The following SIK3 variants were observed in gnomAD, a reference collection of about 807,000 sequenced individuals.
SIK3 encodes the protein serine/threonine-protein kinase SIK3.
In SIK3, 28 loss-of-function variants were observed where a neutral mutation model predicts 144.2. The ratio of observed to expected loss-of-function variants is 0.19; its 90% CI spans 0.14 to 0.27. The LOEUF is 0.27. Among genes scored for constraint, SIK3 ranks in the 10% least tolerant of loss-of-function variants. SIK3 has a pLI of 1.00. For missense variants in SIK3, 1,319 were observed against 1,776.0 expected, an observed-to-expected ratio of 0.74 and a Z score of 4.62; for synonymous variants, 686 against 676.3, an observed-to-expected ratio of 1.01 and a Z score of -0.22.
At chr11:117,036,819 C>A (rs560663902) in intron 1 of SIK3, among the ~76,000 whole-genome samples, 2 of 152,202 alleles carry the variant, frequency 1.3e-5, no homozygotes, top group Admixed American at 1.3e-4. Context: ...TACGCAGATT[C>A]TTTTTCAATG....
intron 6 of SIK3, among the ~76,000 whole-genome samples, chr11:116,886,010 T>TCCA (rs1944798298): frequency 6.6e-6 from 1 of 152,244 alleles, no homozygotes; most frequent in African/African-American, 2.4e-5. Flanking sequence ...CTGAAGTCCT[T>TCCA]CCACTTGGAA....
intron 1 of SIK3, among the ~76,000 whole-genome samples, chr11:117,013,950 G>GTTTTTTTTTT (rs1591536602): frequency 2.4e-5 from 1 of 40,926 alleles, no homozygotes. Context: ...GTGTGTGTGT[G>GTTTTTTTTTT]TTTTATTTCT....
chr11:116,873,674 G>A (rs751396658), intron 12 of SIK3, 38 bp from the exon 13 acceptor site: 2 of 1,521,896 alleles, frequency 1.3e-6, no homozygotes, highest in South Asian at 1.3e-5. Flanking sequence ...ACCATGAGAT[G>A]AGGGGAAGGC....
In SIK3 at chr11:116,844,654, T is replaced by C. The variant is rs576195260; in HGVS notation, c.*989A>G. ...AATATATTATATTATATATTATATA[T>C]ATAATATATATATACACATATATTA... On this transcript the variant is annotated 3_prime_UTR_variant, in exon 25 of 25. Transcript: ENST00000445177. 0.1 allele frequency: 11,744 copies of C among 116,940 alleles called. 1,857 individuals are homozygous for C. Among genetic ancestry groups the C allele is most frequent in the African/African-American group, 0.36 (11,112 of 31,276 alleles). 7.2% of individuals were successfully genotyped at this position (116,940 alleles called of 1,614,324 possible).
chr11:116,938,586 GA>G (rs1423066803), intron 3 of SIK3, among the ~76,000 whole-genome samples: 2 of 59,552 alleles, frequency 3.4e-5, no homozygotes, highest in Non-Finnish European at 3.0e-5. Context: ...GGGAGGGGAG[GA>G]GAGGAGAGGG....
At chr11:116,937,750 T>A (rs1434707418) in intron 3 of SIK3, among the ~76,000 whole-genome samples, 1 of 152,226 alleles carries the variant, frequency 6.6e-6, no homozygotes, top group Non-Finnish European at 1.5e-5. Context: ...AAATCTTACA[T>A]TTTAATTGGA....
intron 3 of SIK3, among the ~76,000 whole-genome samples, chr11:116,935,204 T>A (rs752782148): frequency 2.6e-5 from 4 of 152,086 alleles, no homozygotes; most frequent in Non-Finnish European, 4.4e-5. Flanking sequence ...GCTATGAGCA[T>A]GCCACTGCAC....
chr11:116,858,807 G>A lies in SIK3; in HGVS notation c.2766-108C>T, dbSNP rs1943143507. On this transcript the variant is annotated intron_variant, in intron 20 of 24. Transcript: ENST00000445177. This position sits in a 1 kb window ranked among gnomAD's most constrained non-coding sequence, Gnocchi z 5.4. ...GAACCCACTGGTACAGAGAACTGTG[G>A]TGTGACAGAGAAGTGGCAGATGTAT... 3 of 1,458,740 alleles carry A rather than the reference G, an allele frequency of 2.1e-6. No individual in the cohort carries two copies. In the African/African-American group the frequency reaches 4.2e-5, roughly 21 times the overall value. The allele number at this position is 1,458,740 out of a possible 1,614,324, so 90.4% of individuals were successfully genotyped here. A position where few individuals can be genotyped will look rare whatever the true frequency, so the allele number is the denominator to read the frequency against.
intron 4 of SIK3, among the ~76,000 whole-genome samples, chr11:116,907,171 G>A (rs765775356): frequency 1.2e-4 from 19 of 152,190 alleles, no homozygotes; most frequent in Non-Finnish European, 2.5e-4. Flanking sequence ...TTTTATGCCT[G>A]AGACGTGAGG....
In SIK3 at chr11:116,967,017, A is replaced by AAAAAAG. The variant is rs555732125; in HGVS notation, c.274-9954_274-9953insCTTTTT. Among the ~76,000 whole-genome samples the AAAAAAG allele has an allele frequency of 1.3e-3, 197 of 147,500 alleles. 5 individuals carry two copies. In the South Asian group the frequency reaches 0.015, roughly 11 times the overall value. On this transcript the variant is annotated intron_variant, in intron 1 of 24. Transcript: ENST00000445177. The stretch of plus-strand genomic sequence containing the variant: ...AGACTCTGTTTCAAAAAAAAAAAGA[A>AAAAAAG]AAAGAAAAAGAAAAAGAAAAGAAAA...
At chr11:117,021,614 A>C (rs974670117) in intron 1 of SIK3, among the ~76,000 whole-genome samples, 1 of 151,990 alleles carries the variant, frequency 6.6e-6, no homozygotes, top group Non-Finnish European at 1.5e-5. Flanking sequence ...TTAAGATGTA[A>C]AGTCTATATA....
intron 6 of SIK3, among the ~76,000 whole-genome samples, chr11:116,878,954 G>A (rs765427953): frequency 3.3e-5 from 5 of 152,028 alleles, no homozygotes; most frequent in Non-Finnish European, 5.9e-5. Flanking sequence ...TTGTCTTCAC[G>A]CAAATGATTT....
intron 3 of SIK3, 94 bp downstream of exon 3, chr11:116,953,950 A>T: frequency 1.1e-6 from 1 of 873,282 alleles, no homozygotes; most frequent in East Asian, 2.6e-5. Context: ...GCATCAAGTG[A>T]CTGCTGCTCA....
chr11:117,045,165 T>C (rs73594187), intron 1 of SIK3, among the ~76,000 whole-genome samples: 8,591 of 152,228 alleles, frequency 0.056, 523 homozygotes, highest in African/African-American at 0.15. Flanking sequence ...CTAAGAATTG[T>C]TTAGAGAGGA....
rs1057113297 is a variant in SIK3, at chr11:116,848,569, C to T, written c.3819+551G>A. On this transcript the variant is annotated intron_variant, in intron 22 of 24. Coordinates refer to ENST00000445177, the MANE Select transcript of SIK3 (RefSeq NM_001366686.3). ...AAAAATAACCAGAAGCCTATGGGCT[C>T]ATTTGCTGGGGCCTGAGTTTAGACT... is the stretch of plus-strand genomic sequence containing the variant. 3.9e-5 allele frequency among the ~76,000 whole-genome samples: 6 copies of T among 152,118 alleles called. 1 individual carries two copies. Among genetic ancestry groups the T allele is most frequent in the African/African-American group, 1.2e-4 (5 of 41,410 alleles).
intron 1 of SIK3, among the ~76,000 whole-genome samples, chr11:116,980,852 A>G (rs1950116012): frequency 6.8e-6 from 1 of 146,544 alleles, no homozygotes; most frequent in East Asian, 2.0e-4. Flanking sequence ...CCCTGTCTCG[A>G]AAAAAAAAAA....
At chr11:116,983,606 T>A (rs1198835635) in intron 1 of SIK3, among the ~76,000 whole-genome samples, 1 of 152,166 alleles carries the variant, frequency 6.6e-6, no homozygotes, top group Non-Finnish European at 1.5e-5. Context: ...ATCAGTTGAA[T>A]GAAAATGCTC....
intron 6 of SIK3, among the ~76,000 whole-genome samples, chr11:116,887,978 C>T (rs1341602032): frequency 6.6e-6 from 1 of 151,370 alleles, no homozygotes; most frequent in African/African-American, 2.5e-5. Flanking sequence ...TAGAAATATA[C>T]ATGAATTGTG....
intron 6 of SIK3, among the ~76,000 whole-genome samples, chr11:116,877,942 T>A (rs1202423471): frequency 6.6e-6 from 1 of 152,196 alleles, no homozygotes; most frequent in Non-Finnish European, 1.5e-5. Flanking sequence ...TGTACTATCA[T>A]TGTTCCCATT....
Sources: gnomAD v4.1 joint callset for allele counts (sites outside exome capture counted in the v4.1 genomes callset) on GRCh38, gnomAD v4.1.1 for gene constraint, Gnocchi (gnomAD v3.1) non-coding constraint, MANE v1.5 for transcripts, NCBI Gene and HGNC (gene_info 2026-07-23, HGNC 2026-07-21) for gene names.